Variants in SLC24A3 observed in about 807,000 individuals in gnomAD.
The protein encoded by SLC24A3 is solute carrier family 24 member 3.
SLC24A3 carries 28 observed loss-of-function variants against 75.8 expected under a neutral mutation model. The observed-to-expected ratio is 0.37, with a 90% CI of 0.27 to 0.51. SLC24A3 has a LOEUF of 0.51. Ranked by LOEUF, SLC24A3 falls within the 20% of genes least tolerant of loss-of-function variation. SLC24A3 has a pLI of 0.94. For synonymous variants in SLC24A3, 372 were observed against 334.1 expected, an observed-to-expected ratio of 1.11 and a Z score of -1.24; for missense variants, 663 against 847.8, an observed-to-expected ratio of 0.78 and a Z score of 2.71.
intron 2 of SLC24A3, among the ~76,000 whole-genome samples, chr20:19,343,533 G>A (rs954631865): frequency 1.3e-5 from 2 of 151,840 alleles, no homozygotes; most frequent in South Asian, 2.1e-4. Flanking sequence ...CAGTAGAAAT[G>A]TACAGCCTTA....
chr20:19,213,963 CAA>C (rs1203374795), intron 1 of SLC24A3, among the ~76,000 whole-genome samples: 5 of 152,010 alleles, frequency 3.3e-5, no homozygotes, highest in Non-Finnish European at 7.4e-5. Context: ...AACAAACAAA[CAA>C]AAAAACAGTT....
In SLC24A3 at chr20:19,536,841, G is replaced by A. The variant is rs1350268402; in HGVS notation, c.348+21277G>A. ...TAGCCATATGTAGAAAGCTGAAACT[G>A]GATCCCTTCCTTACACCTTATACAA... is the stretch of plus-strand genomic sequence containing the variant. On this transcript the variant is annotated intron_variant, in intron 3 of 16. Coordinates refer to ENST00000328041, the MANE Select transcript of SLC24A3 (RefSeq NM_020689.4). 5.3e-5 allele frequency among the ~76,000 whole-genome samples: 8 copies of A among 152,276 alleles called. No individual in the cohort carries two copies. In the East Asian group the frequency reaches 1.5e-3, roughly 29 times the overall value.
Position 19,685,168 on chromosome 20 carries a change from T to G in SLC24A3, c.1131T>G (p.Ile377Met), listed in dbSNP as rs2032660659. 5 of 1,613,968 alleles carry G rather than the reference T, an allele frequency of 3.1e-6. No homozygotes were observed. Among genetic ancestry groups the G allele is most frequent in the Non-Finnish European group, 4.2e-6 (5 of 1,179,992 alleles). The change falls in exon 12 of 17, where the codon ATT becomes ATG. Residue 377 changes from isoleucine to methionine, a missense_variant. Ile to Met is a conservative substitution (Grantham distance 10). Transcript: ENST00000328041. The part of the protein sequence containing the change: ...GESEVAIKIP[I>M]KHTVENGTGP... ...CTGAGGTGGCCATCAAAATCCCAATTAAGCACACCGTGGAGAATGGGACAG... is the reference window on the plus strand; with the variant it reads ...CTGAGGTGGCCATCAAAATCCCAATGAAGCACACCGTGGAGAATGGGACAG...
chr20:19,637,674 C>T (rs564228557), intron 6 of SLC24A3, among the ~76,000 whole-genome samples: 20 of 152,120 alleles, frequency 1.3e-4, no homozygotes, highest in Non-Finnish European at 2.2e-4. Context: ...AAGAGGATGA[C>T]GGATTAGAAT....
Position 19,685,312 on chromosome 20 carries a change from G to A in SLC24A3, c.1275G>A (p.Glu425=), listed in dbSNP as rs1247024586. 3 of 1,614,166 alleles carry A rather than the reference G, an allele frequency of 1.9e-6. No homozygotes were observed. The highest frequency in any genetic ancestry group is 2.5e-6 in the Non-Finnish European group (3 of 1,180,016). The part of the protein sequence containing the change: ...NEDNENDEEE[E]EDEDDDEGPY... ...ACAATGAGAATGATGAGGAGGAAGA[G>A]GAGGACGAGGATGATGATGAAGGAC... is the stretch of plus-strand genomic sequence containing the variant. Residue 425 remains glutamate (E), a synonymous_variant, in exon 12 of 17, where the codon GAG becomes GAA. Transcript: ENST00000328041.
chr20:19,577,346 T>C (rs1260383783), intron 3 of SLC24A3, among the ~76,000 whole-genome samples: 1 of 152,200 alleles, frequency 6.6e-6, no homozygotes, highest in African/African-American at 2.4e-5. Flanking sequence ...TGAGCCACCG[T>C]GCCCGTTAAT....
chr20:19,403,362 C>G (rs1460717319), intron 2 of SLC24A3, among the ~76,000 whole-genome samples: 1 of 152,104 alleles, frequency 6.6e-6, no homozygotes, highest in African/African-American at 2.4e-5. Context: ...TTGCCTGATT[C>G]TAGGATCACA....
chr20:19,615,175 A>T (rs1162231404), intron 6 of SLC24A3, among the ~76,000 whole-genome samples: 5 of 152,112 alleles, frequency 3.3e-5, no homozygotes, highest in Non-Finnish European at 7.4e-5. Flanking sequence ...GTCATTTAAA[A>T]ATATATATAT....
At chr20:19,615,824 G>A (rs1038328662) in intron 6 of SLC24A3, among the ~76,000 whole-genome samples, 1 of 152,108 alleles carries the variant, frequency 6.6e-6, no homozygotes, top group Non-Finnish European at 1.5e-5. Context: ...TGCACCAGTG[G>A]CTTCCTGGGG....
intron 1 of SLC24A3, among the ~76,000 whole-genome samples, chr20:19,230,692 C>T (rs1411317297): frequency 6.6e-6 from 1 of 151,640 alleles, no homozygotes; most frequent in East Asian, 2.0e-4. Context: ...CAGTTCCTTT[C>T]AGCAACAAAT....
At position 19,659,276 on chromosome 20, in the gene SLC24A3, G is replaced by A. The variant is rs373910105; in HGVS notation, c.687+5140G>A. On this transcript the variant is annotated intron_variant, in intron 7 of 16. Transcript: ENST00000328041. ...CAGCGAGGTTCCTTTACACCAACACGTCTCCTTCCTTCCCTGGGACATTCA... is the reference window on the plus strand; with the variant it reads ...CAGCGAGGTTCCTTTACACCAACACATCTCCTTCCTTCCCTGGGACATTCA... Among the ~76,000 whole-genome samples, 18 of 152,308 alleles carry A rather than the reference G, an allele frequency of 1.2e-4. No individual in the cohort carries two copies. The East Asian group carries it at 2.5e-3, about 21-fold the overall frequency.
intron 15 of SLC24A3, among the ~76,000 whole-genome samples, chr20:19,705,960 A>T (rs1205351158): frequency 6.6e-6 from 1 of 152,210 alleles, no homozygotes; most frequent in Non-Finnish European, 1.5e-5. Flanking sequence ...TATGGTGATG[A>T]ACGTCTGTTC....
At chr20:19,244,700 G>A (rs916221286) in intron 1 of SLC24A3, among the ~76,000 whole-genome samples, 1 of 152,188 alleles carries the variant, frequency 6.6e-6, no homozygotes, top group Non-Finnish European at 1.5e-5. Flanking sequence ...ACAGGATCAG[G>A]TAAGCCTTTT....
intron 2 of SLC24A3, among the ~76,000 whole-genome samples, chr20:19,403,431 C>T (rs902105293): frequency 2.6e-5 from 4 of 152,158 alleles, no homozygotes; most frequent in Non-Finnish European, 5.9e-5. Context: ...CATATGAGGT[C>T]AACTCTGGGA....
At chr20:19,585,358 A>G in intron 5 of SLC24A3, 83 bp from the exon 6 acceptor site, 1 of 1,288,088 alleles carries the variant, frequency 7.8e-7, no homozygotes. Context: ...AGAACAATCT[A>G]ATGCTTATGA....
intron 2 of SLC24A3, among the ~76,000 whole-genome samples, chr20:19,456,783 G>T (rs1987585350): frequency 6.6e-6 from 1 of 152,204 alleles, no homozygotes; most frequent in South Asian, 2.1e-4. Flanking sequence ...GTGATTGTGG[G>T]TGGTGACTTC....
At chr20:19,423,258 G>A (rs1380870727) in intron 2 of SLC24A3, among the ~76,000 whole-genome samples, 1 of 152,172 alleles carries the variant, frequency 6.6e-6, no homozygotes, top group Non-Finnish European at 1.5e-5. Context: ...CATTTGAGGG[G>A]CTGAGCTCAG....
intron 1 of SLC24A3, among the ~76,000 whole-genome samples, chr20:19,235,745 G>A (rs551805560): frequency 1.1e-3 from 165 of 152,292 alleles, no homozygotes; most frequent in African/African-American, 3.9e-3. Flanking sequence ...TGAGATGCTG[G>A]CAGGTGCATC....
chr20:19,271,093 C>T lies in SLC24A3; in HGVS notation c.143-9866C>T, dbSNP rs139157554. Among the ~76,000 whole-genome samples the T allele has an allele frequency of 4.6e-5, 7 of 152,124 alleles. No individual in the cohort carries two copies. In the East Asian group the frequency reaches 1.2e-3, roughly 25 times the overall value. ...TGAGCAGAGAACTCCTGGGCTCAGC[C>T]CTATAGGTCATTAGAAGAACCACAT... On this transcript the variant is annotated intron_variant, in intron 1 of 16. Coordinates refer to ENST00000328041, the MANE Select transcript of SLC24A3 (RefSeq NM_020689.4).
Sources: gnomAD v4.1 joint callset for allele counts (sites outside exome capture counted in the v4.1 genomes callset) on GRCh38, gnomAD v4.1.1 for gene constraint, MANE v1.5 for transcripts, NCBI Gene and HGNC (gene_info 2026-07-23, HGNC 2026-07-21) for gene names.